CFAP97: variants seen among roughly 807,000 people sequenced by gnomAD.
The protein encoded by CFAP97 is cilia and flagella associated protein 97, also known as cilia- and flagella-associated protein 97.
In CFAP97, 36 loss-of-function variants were observed where a neutral mutation model predicts 43.1. The observed-to-expected ratio is 0.84, with a 90% CI of 0.64 to 1.10. The LOEUF (loss-of-function observed/expected upper bound fraction) is 1.10, where lower values mean the gene tolerates loss of function less well. CFAP97 is among the 50% of genes least tolerant of loss of function. The pLI is 0.00. For missense variants in CFAP97, 657 were observed against 620.3 expected, an observed-to-expected ratio of 1.06 and a Z score of -0.63; for synonymous variants, 228 against 225.7, an observed-to-expected ratio of 1.01 and a Z score of -0.09.
At chr4:185,167,691 A>T (rs1323938356) in intron 3 of CFAP97, among the ~76,000 whole-genome samples, 1 of 152,136 alleles carries the variant, frequency 6.6e-6, no homozygotes, top group Non-Finnish European at 1.5e-5. Flanking sequence ...AATAGTGCCT[A>T]GTATCTAGCA....
intron 1 of CFAP97, among the ~76,000 whole-genome samples, chr4:185,191,927 C>T (rs1736276588): frequency 6.6e-6 from 1 of 152,118 alleles, no homozygotes. Flanking sequence ...AAAAAAAACT[C>T]ATAGTCACTT....
rs375315761 is a variant in CFAP97, at chr4:185,198,084, C to T, written c.-17+5814G>A. Among the ~76,000 whole-genome samples the T allele has an allele frequency of 1.5e-4, 23 of 152,182 alleles. 1 individual carries two copies. Among genetic ancestry groups the T allele is most frequent in the African/African-American group, 4.8e-4 (20 of 41,514 alleles). On this transcript the variant is annotated intron_variant, in intron 1 of 4. Transcript: ENST00000458385. Reference sequence around the variant, plus strand: ...CACTCACTTTCAATTCTATGAAGGCCGAGAGAGGTAAAGACGATGTAGAAA... The same window carrying T: ...CACTCACTTTCAATTCTATGAAGGCTGAGAGAGGTAAAGACGATGTAGAAA...
At chr4:185,185,982 C>A (rs1735992958) in intron 2 of CFAP97, among the ~76,000 whole-genome samples, 1 of 151,948 alleles carries the variant, frequency 6.6e-6, no homozygotes, top group African/African-American at 2.4e-5. Flanking sequence ...TTCCAAATAC[C>A]CAATATGTCA....
intron 2 of CFAP97, among the ~76,000 whole-genome samples, chr4:185,180,555 C>T (rs10019418): frequency 5.9e-5 from 9 of 151,818 alleles, no homozygotes; most frequent in Admixed American, 3.9e-4. Flanking sequence ...AATGTCCTCA[C>T]GGTTCACCCA....
chr4:185,197,547 C>G (rs1365175546), intron 1 of CFAP97, among the ~76,000 whole-genome samples: 1 of 152,082 alleles, frequency 6.6e-6, no homozygotes, highest in African/African-American at 2.4e-5. Flanking sequence ...CCTGCCTCAG[C>G]CTCCCGAGTA....
Position 185,162,786 on chromosome 4 carries a change from TAA to T in CFAP97, c.*10_*11del. ...AAAGTTGTGTGAACAATGTTTAAAG[TAA>T]AAAAGTGTTTTATAACCAAGCTGTA... On this transcript the variant is annotated 3_prime_UTR_variant, in exon 5 of 5. Transcript: ENST00000458385. 6.2e-7 allele frequency: 1 copy of T among 1,611,296 alleles called. No individual in the cohort carries two copies. The highest frequency in any genetic ancestry group is 8.5e-7 in the Non-Finnish European group (1 of 1,178,856).
At chr4:185,183,114 G>T (rs545392434) in intron 2 of CFAP97, among the ~76,000 whole-genome samples, 1 of 151,862 alleles carries the variant, frequency 6.6e-6, no homozygotes. Flanking sequence ...AAAAAAAAAG[G>T]TTCTTTTAAA....
chr4:185,170,662 G>A (rs541174021), intron 3 of CFAP97, among the ~76,000 whole-genome samples: 5 of 151,346 alleles, frequency 3.3e-5, no homozygotes, highest in Non-Finnish European at 5.9e-5. Context: ...GATCCACCAC[G>A]CCAGCCTATT....
intron 3 of CFAP97, among the ~76,000 whole-genome samples, chr4:185,168,357 A>C (rs968220488): frequency 6.6e-6 from 1 of 151,920 alleles, no homozygotes; most frequent in East Asian, 1.9e-4. Flanking sequence ...CTGCGATCCC[A>C]GCACTTCGGG....
intron 1 of CFAP97, among the ~76,000 whole-genome samples, chr4:185,198,243 G>C (rs1579268404): frequency 1.3e-5 from 2 of 151,994 alleles, no homozygotes; most frequent in East Asian, 3.9e-4. Context: ...AGGAGTTCAA[G>C]ACCAGCCTGG....
chr4:185,186,836 C>T (rs759399812), intron 2 of CFAP97, among the ~76,000 whole-genome samples: 2 of 152,142 alleles, frequency 1.3e-5, no homozygotes, highest in Non-Finnish European at 2.9e-5. Context: ...AAAAGCTCTT[C>T]AGAATCCTCA....
In CFAP97 at chr4:185,159,916, T is replaced by C. The variant is rs908982782; in HGVS notation, c.*2882A>G. Reference sequence around the variant, plus strand: ...TATGAATGTAATTATTAAAGTATAATCAACTCACATCTTTGGGTTTATATT... The same window carrying C: ...TATGAATGTAATTATTAAAGTATAACCAACTCACATCTTTGGGTTTATATT... On this transcript the variant is annotated 3_prime_UTR_variant, in exon 5 of 5. Transcript: ENST00000458385. The C allele has an allele frequency of 6.6e-6, 1 of 152,230 alleles. No individual in the cohort carries two copies. The highest frequency in any genetic ancestry group is 1.5e-5 in the Non-Finnish European group (1 of 68,038). 9.4% of individuals were successfully genotyped at this position (152,230 alleles called of 1,614,324 possible).
At chr4:185,200,495 C>T (rs866726757) in intron 1 of CFAP97, among the ~76,000 whole-genome samples, 2 of 152,182 alleles carry the variant, frequency 1.3e-5, no homozygotes, top group African/African-American at 2.4e-5. Flanking sequence ...CAAAAATTAG[C>T]TAGGTGTGGT....
chr4:185,195,318 G>A (rs3108245), intron 1 of CFAP97, among the ~76,000 whole-genome samples: 120,987 of 151,972 alleles, frequency 0.8, 48,596 homozygotes, highest in African/African-American at 0.93. Context: ...GTTGCTACAA[G>A]AAATTAAAAA....
chr4:185,185,674 T>C (rs1735980317), intron 2 of CFAP97, among the ~76,000 whole-genome samples: 1 of 147,222 alleles, frequency 6.8e-6, no homozygotes, highest in Non-Finnish European at 1.5e-5. Flanking sequence ...TCTTACTCTG[T>C]CTCCTAGGTT....
At position 185,190,792 on chromosome 4, in the gene CFAP97, T is replaced by TC; in HGVS notation, c.404dup (p.Glu136ArgfsTer5). 6.2e-7 allele frequency: 1 copy of TC among 1,606,554 alleles called. No individual in the cohort carries two copies. The highest frequency in any genetic ancestry group is 8.5e-7 in the Non-Finnish European group (1 of 1,175,800). On this transcript the variant is annotated frameshift_variant, in exon 2 of 5. Coordinates refer to ENST00000458385, the MANE Select transcript of CFAP97 (RefSeq NM_020827.3). LOFTEE classifies it high-confidence loss of function. ...TCTTCCCATCATCACTGCTTTCCTC[T>TC]CCATCTGTGTAGTAATCATCTTCAC... is the stretch of plus-strand genomic sequence containing the variant.
At chr4:185,196,097 C>T (rs1736526663) in intron 1 of CFAP97, among the ~76,000 whole-genome samples, 1 of 152,168 alleles carries the variant, frequency 6.6e-6, no homozygotes, top group Non-Finnish European at 1.5e-5. Flanking sequence ...TTATAAACTA[C>T]AGGTCACAAT....
At position 185,186,139 on chromosome 4, in the gene CFAP97, CTA is replaced by C. The variant is rs1370831882; in HGVS notation, c.1054+4002_1054+4003del. Reference sequence around the variant, plus strand: ...CACATTGCAACTAACATCTAAGAAACTATTACTTGTGGGCCAGGCGAGGTGGT... The same window carrying C: ...CACATTGCAACTAACATCTAAGAAACTTACTTGTGGGCCAGGCGAGGTGGT... On this transcript the variant is annotated intron_variant, in intron 2 of 4. Transcript: ENST00000458385. 3.3e-5 allele frequency among the ~76,000 whole-genome samples: 5 copies of C among 152,062 alleles called. No individual in the cohort carries two copies. In the East Asian group the frequency reaches 9.6e-4, roughly 29 times the overall value.
chr4:185,166,484 G>A (rs4241796), intron 3 of CFAP97, among the ~76,000 whole-genome samples: 63,489 of 151,990 alleles, frequency 0.42, 13,428 homozygotes, highest in Middle Eastern at 0.56. Context: ...GCTGGTAGAC[G>A]TCTCAATGTC....
Sources: gnomAD v4.1 joint callset for allele counts (sites outside exome capture counted in the v4.1 genomes callset) on GRCh38, gnomAD v4.1.1 for gene constraint, MANE v1.5 for transcripts, NCBI Gene and HGNC (gene_info 2026-07-23, HGNC 2026-07-21) for gene names.